Variants in CPN1 observed in about 807,000 individuals in gnomAD.
The protein encoded by CPN1 is carboxypeptidase N catalytic chain.
CPN1 carries 37 observed loss-of-function variants against 46.4 expected under a neutral mutation model. The ratio of observed to expected loss-of-function variants is 0.80; its 90% CI spans 0.61 to 1.05. The LOEUF (loss-of-function observed/expected upper bound fraction) is 1.05, where lower values mean the gene tolerates loss of function less well. Ranked by LOEUF, CPN1 falls within the 50% of genes least tolerant of loss-of-function variation. CPN1 has a pLI of 0.00. For synonymous variants in CPN1, 224 were observed against 235.4 expected, an observed-to-expected ratio of 0.95 and a Z score of 0.44; for missense variants, 563 against 602.6, an observed-to-expected ratio of 0.93 and a Z score of 0.69.
chr10:100,067,302 G>C (rs560046131), intron 3 of CPN1, among the ~76,000 whole-genome samples: 1 of 152,146 alleles, frequency 6.6e-6, no homozygotes, highest in African/African-American at 2.4e-5. Flanking sequence ...TTTTTAGTAG[G>C]ATGGGGTTTC....
intron 2 of CPN1, among the ~76,000 whole-genome samples, chr10:100,072,461 C>T (rs965240306): frequency 1.3e-5 from 2 of 152,158 alleles, no homozygotes; most frequent in South Asian, 2.1e-4. Context: ...TGAGCCACTA[C>T]GGCCTTATGT....
Position 100,069,918 on chromosome 10 carries a change from A to G in CPN1, c.421-49T>C, listed in dbSNP as rs1450700808. Reference sequence around the variant, plus strand: ...AAATGAAGGTTTCAGATTGAATACTATATTTTCTAACTTTTTTTTTTGGAG... The same window carrying G: ...AAATGAAGGTTTCAGATTGAATACTGTATTTTCTAACTTTTTTTTTTGGAG... On this transcript the variant is annotated intron_variant, in intron 2 of 8. Transcript: ENST00000370418. The G allele has an allele frequency of 5.6e-6, 9 of 1,607,196 alleles. No homozygotes were observed. The East Asian group carries it at 8.9e-5, about 16-fold the overall frequency.
At chr10:100,050,998 C>T (rs1401817650) in intron 7 of CPN1, among the ~76,000 whole-genome samples, 2 of 152,074 alleles carry the variant, frequency 1.3e-5, no homozygotes, top group African/African-American at 4.8e-5. Context: ...GCACTCCAGC[C>T]TGGGCGACAG....
rs1327008277 is a variant in CPN1, at chr10:100,065,256, C to T, written c.691G>A (p.Glu231Lys). 1.2e-6 allele frequency: 2 copies of T among 1,614,012 alleles called. No individual in the cohort carries two copies. Among genetic ancestry groups the T allele is most frequent in the African/African-American group, 1.3e-5 (1 of 74,898 alleles). ...VANYPYDKSFEHRVRGVRRTA... is the reference protein window; with the variant it reads ...VANYPYDKSFKHRVRGVRRTA... ...CGGCGGACCCCTCGGACCCGGTGCT[C>T]AAAGGACTTGTCATACGGGTAATTG... is the stretch of plus-strand genomic sequence containing the variant. Residue 231 changes from glutamate to lysine, a missense_variant, in exon 4 of 9, where the codon GAG becomes AAG. Physicochemically the swap from Glu to Lys is moderately conservative, Grantham distance 56 (BLOSUM62 1). Coordinates refer to ENST00000370418, the MANE Select transcript of CPN1 (RefSeq NM_001308.3).
chr10:100,069,494 A>T (rs1263386786), intron 3 of CPN1, among the ~76,000 whole-genome samples: 2 of 151,842 alleles, frequency 1.3e-5, no homozygotes, highest in African/African-American at 4.8e-5. Context: ...AAAAAAAAAA[A>T]ATCACTTAGT....
At chr10:100,068,923 C>G (rs1203824954) in intron 3 of CPN1, among the ~76,000 whole-genome samples, 1 of 152,194 alleles carries the variant, frequency 6.6e-6, no homozygotes, top group Non-Finnish European at 1.5e-5. Context: ...CTTCTGTCCA[C>G]AGTCTAGTGT....
At chr10:100,072,894 G>A (rs551362787) in intron 2 of CPN1, among the ~76,000 whole-genome samples, 51 of 152,322 alleles carry the variant, frequency 3.3e-4, no homozygotes, top group African/African-American at 1.2e-3. Flanking sequence ...TGTTTTGTGT[G>A]GCATTGGAGA....
At chr10:100,072,793 G>A (rs1461342047) in intron 2 of CPN1, among the ~76,000 whole-genome samples, 1 of 152,162 alleles carries the variant, frequency 6.6e-6, no homozygotes, top group African/African-American at 2.4e-5. Flanking sequence ...GTACACATGG[G>A]GAGATGGACA....
chr10:100,062,246 G>A (rs2041423737), intron 5 of CPN1, among the ~76,000 whole-genome samples: 1 of 151,946 alleles, frequency 6.6e-6, no homozygotes. Flanking sequence ...ATCCAGTGAA[G>A]GCTCATAAAC....
chr10:100,055,285 T>TG lies in CPN1; in HGVS notation c.1012-840dup, dbSNP rs994756684. On this transcript the variant is annotated intron_variant, in intron 6 of 8. Transcript: ENST00000370418. ...TGTGCGACCATCATCACCACCCATC[T>TG]GCATAACTCTTTTTATCTTAAAAAA... Among the ~76,000 whole-genome samples, 23 of 151,952 alleles carry TG rather than the reference T, an allele frequency of 1.5e-4. 1 individual carries two copies. The highest frequency in any genetic ancestry group is 5.6e-4 in the African/African-American group (23 of 41,374).
chr10:100,080,409 T>C lies in CPN1; in HGVS notation c.223+994A>G, dbSNP rs200898531. ...AATGAGAAGGGCAGTTATAATACAA[T>C]TTCATTTTTATAGAAACAATTACAT... On this transcript the variant is annotated intron_variant, in intron 1 of 8. Transcript: ENST00000370418. 2.9e-3 allele frequency among the ~76,000 whole-genome samples: 441 copies of C among 152,326 alleles called. 4 individuals carry two copies. Among genetic ancestry groups the C allele is most frequent in the African/African-American group, 0.01 (416 of 41,572 alleles).
At chr10:100,052,003 T>A (rs1371231942) in intron 7 of CPN1, among the ~76,000 whole-genome samples, 3 of 151,672 alleles carry the variant, frequency 2.0e-5, no homozygotes, top group African/African-American at 7.3e-5. Flanking sequence ...CGGGTTCAAA[T>A]GATTCTCATG....
At chr10:100,056,133 T>C (rs1402192648) in intron 6 of CPN1, among the ~76,000 whole-genome samples, 1 of 152,240 alleles carries the variant, frequency 6.6e-6, no homozygotes, top group East Asian at 1.9e-4. Flanking sequence ...GGTTCCAATT[T>C]CTCCACATCC....
Position 100,048,813 on chromosome 10 carries a change from G to T in CPN1, c.1175C>A (p.Pro392His). 2 of 1,613,912 alleles carry T rather than the reference G, an allele frequency of 1.2e-6. No homozygotes were observed. Among genetic ancestry groups the T allele is most frequent in the Non-Finnish European group, 1.7e-6 (2 of 1,179,830 alleles). ...AGTTACTGTCTCTGGGTCATACCCA[G>T]GTGCTGTGGCACTAACAGTGTAGAT... ...PGIYTVSATAPGYDPETVTVT... is the reference protein window; with the variant it reads ...PGIYTVSATAHGYDPETVTVT... Residue 392 changes from proline to histidine, a missense_variant, in exon 8 of 9, where the codon CCT becomes CAT. By Grantham distance (77) the Pro-to-His change is moderately conservative. Coordinates refer to ENST00000370418, the MANE Select transcript of CPN1 (RefSeq NM_001308.3).
At chr10:100,044,587 G>C (rs1362909699) in intron 8 of CPN1, among the ~76,000 whole-genome samples, 1 of 152,078 alleles carries the variant, frequency 6.6e-6, no homozygotes, top group Non-Finnish European at 1.5e-5. Context: ...TGTTGCCCAG[G>C]CTGGTCTCAA....
intron 2 of CPN1, among the ~76,000 whole-genome samples, chr10:100,072,824 C>T (rs1316857127): frequency 6.6e-6 from 1 of 152,108 alleles, no homozygotes; most frequent in Non-Finnish European, 1.5e-5. Context: ...TAATTAAATA[C>T]ATAGAGTGAT....
At chr10:100,056,789 T>C (rs1439488794) in intron 6 of CPN1, among the ~76,000 whole-genome samples, 10 of 151,680 alleles carry the variant, frequency 6.6e-5, no homozygotes, top group Non-Finnish European at 1.3e-4. Flanking sequence ...TGAGCCCAAG[T>C]GATCCTCCCA....
At chr10:100,078,363 A>T (rs1270305669) in intron 1 of CPN1, among the ~76,000 whole-genome samples, 1 of 152,176 alleles carries the variant, frequency 6.6e-6, no homozygotes, top group African/African-American at 2.4e-5. Context: ...TATATCTGGA[A>T]CACAACCACT....
intron 7 of CPN1, among the ~76,000 whole-genome samples, chr10:100,052,549 C>T (rs1379932071): frequency 6.6e-6 from 1 of 152,006 alleles, no homozygotes; most frequent in East Asian, 1.9e-4. Flanking sequence ...GTTTTACAGA[C>T]ATTCCCACAC....
Sources: allele counts gnomAD v4.1 joint callset (sites outside exome capture counted in the v4.1 genomes callset), GRCh38; gene constraint gnomAD v4.1.1; transcripts MANE v1.5; gene names NCBI Gene and HGNC (gene_info 2026-07-23, HGNC 2026-07-21).